Variants in PALLD observed in about 807,000 individuals in gnomAD.
The protein encoded by PALLD is palladin.
In PALLD, 61 loss-of-function variants were observed where a neutral mutation model predicts 123.5. The ratio of observed to expected loss-of-function variants is 0.49; its 90% CI spans 0.40 to 0.61. The LOEUF is 0.61. Ranked by LOEUF, PALLD falls within the 20% of genes least tolerant of loss-of-function variation. PALLD has a pLI of 0.00. For synonymous variants in PALLD, 465 were observed against 496.4 expected (o/e 0.94, Z 0.84); for missense variants, 1,273 against 1,377.0 (o/e 0.92, Z 1.20).
intron 3 of PALLD, among the ~76,000 whole-genome samples, chr4:168,672,527 T>C (rs905062050): frequency 2.8e-4 from 43 of 152,050 alleles, no homozygotes; most frequent in African/African-American, 7.7e-4. Context: ...GGCGCGATCT[T>C]GGCTCACTGC....
intron 2 of PALLD, among the ~76,000 whole-genome samples, chr4:168,620,316 G>A (rs557788542): frequency 1.4e-4 from 22 of 152,260 alleles, no homozygotes; most frequent in East Asian, 1.2e-3. Context: ...TTACCCAGGC[G>A]TGGTGGCACG....
chr4:168,594,578 G>A (rs925301513), intron 2 of PALLD, among the ~76,000 whole-genome samples: 3 of 152,134 alleles, frequency 2.0e-5, no homozygotes, highest in African/African-American at 7.2e-5. Context: ...AGACCAAAGA[G>A]GACTTGAATT....
chr4:168,510,607 G>A (rs1762442692), intron 1 of PALLD, among the ~76,000 whole-genome samples: 1 of 152,040 alleles, frequency 6.6e-6, no homozygotes, highest in African/African-American at 2.4e-5. Flanking sequence ...TGCAAACTAA[G>A]AATGTTTTTC....
intron 2 of PALLD, among the ~76,000 whole-genome samples, chr4:168,522,481 A>C (rs554658320): frequency 6.6e-6 from 1 of 152,320 alleles, no homozygotes; most frequent in South Asian, 2.1e-4. Context: ...AAACTACTCA[A>C]TGTCTCAAAT....
chr4:168,843,925 A>C (rs991607682), intron 10 of PALLD: 1 of 152,174 alleles, frequency 6.6e-6, no homozygotes, highest in East Asian at 1.9e-4. Context: ...TCTCTTATTC[A>C]TGGGTGCCTC....
chr4:168,892,725 C>CT lies in PALLD; in HGVS notation c.2100+1680dup, dbSNP rs1371923887. Among the ~76,000 whole-genome samples the CT allele has an allele frequency of 6.0e-4, 87 of 144,776 alleles. 1 individual carries two copies. The highest frequency in any genetic ancestry group is 3.6e-3 in the Middle Eastern group (1 of 280). 95.0% of individuals were successfully genotyped at this position (144,776 alleles called of 152,430 possible). A position where few individuals can be genotyped will look rare whatever the true frequency, so the allele number is the denominator to read the frequency against. Reference sequence around the variant, plus strand: ...CAAGCCAGGTAAGGCATCACTCCAGCTTTTTTTTTTTTCTTTTTGGCTGTC... The same window carrying CT: ...CAAGCCAGGTAAGGCATCACTCCAGCTTTTTTTTTTTTTCTTTTTGGCTGTC... On this transcript the variant is annotated intron_variant, in intron 11 of 21. Coordinates refer to ENST00000505667, the MANE Select transcript of PALLD (RefSeq NM_001166108.2).
chr4:168,669,037 G>A (rs76588138), intron 3 of PALLD, among the ~76,000 whole-genome samples: 1,963 of 152,312 alleles, frequency 0.013, 38 homozygotes, highest in African/African-American at 0.045. Context: ...ATAGTTGGAA[G>A]TGTTTTAAGC....
At chr4:168,544,663 TATTTC>T (rs1218170095) in intron 2 of PALLD, among the ~76,000 whole-genome samples, 2 of 152,254 alleles carry the variant, frequency 1.3e-5, no homozygotes, top group African/African-American at 4.8e-5. Context: ...GTTTTACACT[TATTTC>T]TATTATCAGC....
intron 2 of PALLD, among the ~76,000 whole-genome samples, chr4:168,605,253 TA>T (rs5863946): frequency 0.63 from 94,897 of 149,446 alleles, 30,914 homozygotes; most frequent in East Asian, 0.88. Flanking sequence ...TTTGGGGGAT[TA>T]AAAAAAAAAA....
At chr4:168,798,057 C>T (rs1738776062) in intron 10 of PALLD, among the ~76,000 whole-genome samples, 1 of 152,136 alleles carries the variant, frequency 6.6e-6, no homozygotes, top group African/African-American at 2.4e-5. Context: ...TATGAAAAGT[C>T]TGCCCAGTTA....
At chr4:168,523,297 G>T (rs1235276865) in intron 2 of PALLD, among the ~76,000 whole-genome samples, 1 of 151,182 alleles carries the variant, frequency 6.6e-6, no homozygotes, top group African/African-American at 2.4e-5. Context: ...AGGAAGGAGG[G>T]AGGCAGACAA....
chr4:168,793,663 T>C (rs1018990922), intron 10 of PALLD, among the ~76,000 whole-genome samples: 9 of 151,988 alleles, frequency 5.9e-5, no homozygotes, highest in South Asian at 2.1e-4. Context: ...AAGGATGTAA[T>C]GGGTAAAGTG....
At chr4:168,615,251 C>T (rs1417466399) in intron 2 of PALLD, among the ~76,000 whole-genome samples, 3 of 151,894 alleles carry the variant, frequency 2.0e-5, no homozygotes, top group Non-Finnish European at 2.9e-5. Flanking sequence ...TTCAGTTTCA[C>T]ACACTTTCTG....
intron 14 of PALLD, 124 bp from the exon 15 acceptor site, chr4:168,903,633 G>T: frequency 1.3e-6 from 1 of 769,266 alleles, no homozygotes; most frequent in Non-Finnish European, 2.3e-6. Context: ...TCAGGTATTT[G>T]GTTTAACATT....
At chr4:168,698,662 C>T (rs1006869395) in intron 8 of PALLD, among the ~76,000 whole-genome samples, 4 of 152,034 alleles carry the variant, frequency 2.6e-5, no homozygotes, top group African/African-American at 9.7e-5. Flanking sequence ...AAGACCTTAC[C>T]CACTGAGTGC....
intron 10 of PALLD, among the ~76,000 whole-genome samples, chr4:168,762,946 G>C (rs1023183350): frequency 2.0e-5 from 3 of 152,142 alleles, no homozygotes; most frequent in Non-Finnish European, 2.9e-5. Context: ...AACACCACAT[G>C]TTCTCACTCA....
At chr4:168,862,865 A>G (rs1749696773) in intron 10 of PALLD, among the ~76,000 whole-genome samples, 1 of 152,198 alleles carries the variant, frequency 6.6e-6, no homozygotes, top group South Asian at 2.1e-4. Flanking sequence ...CCCTTACATA[A>G]GGATTGAGAT....
chr4:168,732,567 A>G (rs1195050682), intron 10 of PALLD, among the ~76,000 whole-genome samples: 5 of 152,222 alleles, frequency 3.3e-5, no homozygotes, highest in African/African-American at 1.2e-4. Flanking sequence ...AGTGAAAATA[A>G]ACACAAATAT....
In PALLD at chr4:168,605,985, G is replaced by T. The variant is rs201334388; in HGVS notation, c.909-62205G>T. On this transcript the variant is annotated intron_variant, in intron 2 of 21. Transcript: ENST00000505667. ...AGAAATCTCTTTTTTTCATTAAAGG[G>T]CATCTATATTTTAAATTTCTACAAT... Among the ~76,000 whole-genome samples, 6 of 151,832 alleles carry T rather than the reference G, an allele frequency of 4.0e-5. No homozygotes were observed. In the East Asian group the frequency reaches 9.7e-4, roughly 25 times the overall value.
Sources: allele counts gnomAD v4.1 joint callset (sites outside exome capture counted in the v4.1 genomes callset), GRCh38; gene constraint gnomAD v4.1.1; transcripts MANE v1.5; gene names NCBI Gene and HGNC (gene_info 2026-07-23, HGNC 2026-07-21).